Variants in UGT1A5 observed in about 807,000 individuals in gnomAD.
The protein encoded by UGT1A5 is UDP-glucuronosyltransferase 1A5.
UGT1A5 carries 29 observed loss-of-function variants against 40.3 expected under a neutral mutation model. That is an observed-to-expected ratio of 0.72 (90% confidence interval 0.54 to 0.98). UGT1A5 has a LOEUF of 0.98. UGT1A5 is among the 50% of genes least tolerant of loss of function. The probability of loss-of-function intolerance (pLI) is 0.00; values close to 1 mark genes in which losing one functional copy is unlikely to be tolerated. For synonymous variants in UGT1A5, 257 were observed against 262.5 expected, an observed-to-expected ratio of 0.98 and a Z score of 0.20; for missense variants, 678 against 677.9, an observed-to-expected ratio of 1.00 and a Z score of 0.00.
At chr2:233,748,709 G>T (rs1302757653) in intron 1 of UGT1A5, among the ~76,000 whole-genome samples, 2 of 151,634 alleles carry the variant, frequency 1.3e-5, no homozygotes, top group East Asian at 3.9e-4. Flanking sequence ...AGGATTTGGG[G>T]TCTGGTGCAT....
intron 1 of UGT1A5, among the ~76,000 whole-genome samples, chr2:233,762,802 C>G (rs762572552): frequency 4.6e-5 from 7 of 151,304 alleles, no homozygotes; most frequent in Non-Finnish European, 1.0e-4. Context: ...ACTCAGCTAT[C>G]TCATCAAAAT....
At chr2:233,718,270 A>G (rs1323395079) in intron 1 of UGT1A5, among the ~76,000 whole-genome samples, 2 of 152,200 alleles carry the variant, frequency 1.3e-5, no homozygotes, top group Non-Finnish European at 2.9e-5. Context: ...GGTGTGAAAA[A>G]AGACCAAAAC....
At chr2:233,762,807 C>T (rs1458193268) in intron 1 of UGT1A5, among the ~76,000 whole-genome samples, 1 of 151,450 alleles carries the variant, frequency 6.6e-6, no homozygotes, top group Non-Finnish European at 1.5e-5. Context: ...GCTATCTCAT[C>T]AAAATATTGA....
chr2:233,725,023 C>G lies in UGT1A5; in HGVS notation c.867+11165C>G, dbSNP rs559276677. Among the ~76,000 whole-genome samples the G allele has an allele frequency of 5.4e-5, 8 of 148,360 alleles. 2 individuals carry two copies. The highest frequency in any genetic ancestry group is 1.2e-4 in the Non-Finnish European group (8 of 67,378). Reference sequence around the variant, plus strand: ...ACCGGCCCGGCCAAACAGCAAAACCCGGTCTCCACCAAAACCAGTCAGGCG... The same window carrying G: ...ACCGGCCCGGCCAAACAGCAAAACCGGGTCTCCACCAAAACCAGTCAGGCG... On this transcript the variant is annotated intron_variant, in intron 1 of 4. Coordinates refer to ENST00000373414, the MANE Select transcript of UGT1A5 (RefSeq NM_019078.2).
At chr2:233,729,759 C>A in intron 1 of UGT1A5, 1 of 1,613,980 alleles carries the variant, frequency 6.2e-7, no homozygotes, top group Non-Finnish European at 8.5e-7. Context: ...TGCAAAGGGT[C>A]AAGAACATGC....
Position 233,772,498 on chromosome 2 carries a change from A to G in UGT1A5, c.1544A>G (p.Tyr515Cys), listed in dbSNP as rs1575871592. The G allele has an allele frequency of 1.2e-6, 2 of 1,614,068 alleles. No homozygotes were observed. The highest frequency in any genetic ancestry group is 2.2e-5 in the East Asian group (1 of 44,892). ...ACCTTTAAATGTTGTGCTTATGGCT[A>G]CCGGAAATGCTTGGGGAAAAAAGGG... is the stretch of plus-strand genomic sequence containing the variant. Reference protein sequence around the residue: ...FITFKCCAYGYRKCLGKKGRV... With the variant: ...FITFKCCAYGCRKCLGKKGRV... Residue 515 changes from tyrosine (Y) to cysteine (C), a missense_variant, in exon 5 of 5, where the codon TAC (tyrosine) becomes TGC (cysteine). By Grantham distance (194) the Tyr-to-Cys change is radical (BLOSUM62 -2). Transcript: ENST00000373414.
chr2:233,773,203 A>T lies in UGT1A5; in HGVS notation c.*644A>T, dbSNP rs1464666615. On this transcript the variant is annotated 3_prime_UTR_variant, in exon 5 of 5. Coordinates refer to ENST00000373414, the MANE Select transcript of UGT1A5 (RefSeq NM_019078.2). ...TATGTCAAATGGAGCTGAATTTGAT[A>T]AAAACCCAAAATACAGCTATGAAGT... The T allele has an allele frequency of 6.6e-6, 1 of 152,516 alleles. No homozygotes were observed. The highest frequency in any genetic ancestry group is 2.4e-5 in the African/African-American group (1 of 41,468). 9.4% of individuals were successfully genotyped at this position (152,516 alleles called of 1,614,324 possible). A position where few individuals can be genotyped will look rare whatever the true frequency, so the allele number is the denominator to read the frequency against.
intron 1 of UGT1A5, among the ~76,000 whole-genome samples, chr2:233,726,869 C>T (rs1231385710): frequency 3.3e-5 from 5 of 152,180 alleles, no homozygotes; most frequent in African/African-American, 9.7e-5. Flanking sequence ...CTTCTATTCT[C>T]CAGGCTTCAG....
intron 1 of UGT1A5, among the ~76,000 whole-genome samples, chr2:233,718,202 T>C (rs918589370): frequency 1.3e-5 from 2 of 152,242 alleles, no homozygotes; most frequent in African/African-American, 4.8e-5. Context: ...CGGAGCTTTT[T>C]TTTATATTGA....
chr2:233,744,011 C>G, intron 1 of UGT1A5: 1 of 1,116,884 alleles, frequency 9.0e-7, no homozygotes, highest in South Asian at 1.5e-5. Flanking sequence ...AGACCTGGGC[C>G]GCCTGGAGAG....
chr2:233,713,876 T>C lies in UGT1A5; in HGVS notation c.867+18T>C, dbSNP rs768644930. ...TATCTCAGGTCTGTATTGGTGCCTT[T>C]ATCCAATCAATGTTCCAGGCAAAAC... On this transcript the variant is annotated intron_variant, in intron 1 of 4. Transcript: ENST00000373414. 1.8e-4 allele frequency: 295 copies of C among 1,613,474 alleles called. No homozygotes were observed. The highest frequency in any genetic ancestry group is 5.2e-4 in the Middle Eastern group (3 of 5,788).
At chr2:233,725,508 T>G (rs1448108269) in intron 1 of UGT1A5, among the ~76,000 whole-genome samples, 1 of 151,984 alleles carries the variant, frequency 6.6e-6, no homozygotes, top group East Asian at 1.9e-4. Context: ...TGAAATTAAT[T>G]TTACTAAGGC....
At chr2:233,729,770 T>C in intron 1 of UGT1A5, 1 of 1,613,988 alleles carries the variant, frequency 6.2e-7, no homozygotes, top group South Asian at 1.1e-5. Flanking sequence ...AAGAACATGC[T>C]CTACCCTCTG....
At chr2:233,735,509 C>T (rs185084136) in intron 1 of UGT1A5, among the ~76,000 whole-genome samples, 17 of 152,270 alleles carry the variant, frequency 1.1e-4, no homozygotes, top group Middle Eastern at 3.4e-3. Flanking sequence ...AGCCCATTTA[C>T]ATTTAAGGTA....
chr2:233,722,351 T>C (rs991919579), intron 1 of UGT1A5, among the ~76,000 whole-genome samples: 1 of 152,240 alleles, frequency 6.6e-6, no homozygotes, highest in African/African-American at 2.4e-5. Context: ...TTTCTACAAA[T>C]ATACAAGACT....
intron 1 of UGT1A5, among the ~76,000 whole-genome samples, chr2:233,723,536 T>TA (rs756280025): frequency 0.019 from 2,250 of 121,430 alleles, 100 homozygotes; most frequent in African/African-American, 0.052. Context: ...TTTTTTTTTT[T>TA]AATTTATTTT....
chr2:233,760,998 C>T (rs1369783317), intron 1 of UGT1A5: 2 of 1,614,036 alleles, frequency 1.2e-6, no homozygotes, highest in Non-Finnish European at 1.7e-6. Flanking sequence ...CCTCAGAATT[C>T]CTTCAGAGAG....
At chr2:233,728,451 C>T (rs754577531) in intron 1 of UGT1A5, among the ~76,000 whole-genome samples, 1 of 152,174 alleles carries the variant, frequency 6.6e-6, no homozygotes, top group Non-Finnish European at 1.5e-5. Context: ...GGAGAATCCT[C>T]AACAAAGTCT....
At chr2:233,729,959 G>T (rs1416622482) in intron 1 of UGT1A5, 2 of 1,614,018 alleles carry the variant, frequency 1.2e-6, no homozygotes, top group South Asian at 2.2e-5. Context: ...TTCATTGGGG[G>T]CATCAACTGT....
Sources: gnomAD v4.1 joint callset for allele counts (sites outside exome capture counted in the v4.1 genomes callset) on GRCh38, gnomAD v4.1.1 for gene constraint, MANE v1.5 for transcripts, NCBI Gene and HGNC (gene_info 2026-07-23, HGNC 2026-07-21) for gene names.